The following ADGRL3 variants were observed in gnomAD, a reference collection of about 807,000 sequenced individuals.
The protein encoded by ADGRL3 is calcium-independent alpha-latrotoxin receptor 3.
In ADGRL3, 62 loss-of-function variants were observed where a neutral mutation model predicts 153.5. The observed-to-expected ratio is 0.40, with a 90% CI of 0.33 to 0.50. The LOEUF is 0.50. Ranked by LOEUF, ADGRL3 falls within the 20% of genes least tolerant of loss-of-function variation. ADGRL3 has a pLI of 0.47. For missense variants in ADGRL3, 1,641 were observed against 1,859.4 expected, an observed-to-expected ratio of 0.88 and a Z score of 2.16; for synonymous variants, 710 against 672.5, an observed-to-expected ratio of 1.06 and a Z score of -0.86.
At chr4:61,690,435 ATT>A (rs199860912) in intron 6 of ADGRL3, among the ~76,000 whole-genome samples, 1 of 147,116 alleles carries the variant, frequency 6.8e-6, no homozygotes, top group Admixed American at 6.8e-5. Context: ...ACCCTGTCTC[ATT>A]TTTTTTTTTA....
chr4:62,026,091 CATT>C (rs1310348359), intron 21 of ADGRL3, among the ~76,000 whole-genome samples: 1 of 152,038 alleles, frequency 6.6e-6, no homozygotes, highest in Non-Finnish European at 1.5e-5. Flanking sequence ...GATTTTAAAT[CATT>C]ATATATTACT....
intron 8 of ADGRL3, among the ~76,000 whole-genome samples, chr4:61,764,475 T>A (rs1361934746): frequency 6.7e-6 from 1 of 149,776 alleles, no homozygotes; most frequent in African/African-American, 2.5e-5. Flanking sequence ...GTGGGGATGC[T>A]TTTGGAGCCA....
chr4:61,335,669 A>G (rs1385620541), intron 1 of ADGRL3, among the ~76,000 whole-genome samples: 1 of 152,200 alleles, frequency 6.6e-6, no homozygotes, highest in Non-Finnish European at 1.5e-5. Flanking sequence ...TTGAGGAAAT[A>G]GGAATAAATG....
At chr4:61,477,770 T>G (rs748381949) in intron 2 of ADGRL3, among the ~76,000 whole-genome samples, 4 of 152,150 alleles carry the variant, frequency 2.6e-5, no homozygotes, top group Non-Finnish European at 5.9e-5. Context: ...ATGATATGTC[T>G]TTATCTCTAT....
intron 2 of ADGRL3, among the ~76,000 whole-genome samples, chr4:61,409,370 TAA>T (rs1491494781): frequency 4.4e-5 from 1 of 22,782 alleles, no homozygotes; most frequent in African/African-American, 6.0e-5. Flanking sequence ...ATTATATATA[TAA>T]GACATATATT....
intron 9 of ADGRL3, among the ~76,000 whole-genome samples, chr4:61,860,030 A>G (rs17090556): frequency 0.018 from 2,712 of 152,308 alleles, 82 homozygotes; most frequent in African/African-American, 0.06. Context: ...CTCACCTGAA[A>G]AAAATAGAGA....
chr4:61,674,602 G>A (rs977177528), intron 5 of ADGRL3, among the ~76,000 whole-genome samples: 2 of 151,686 alleles, frequency 1.3e-5, no homozygotes, highest in African/African-American at 4.8e-5. Context: ...AAATTTTATA[G>A]TGCCACTTTT....
chr4:61,468,456 T>G (rs2097910076), intron 2 of ADGRL3, among the ~76,000 whole-genome samples: 1 of 152,144 alleles, frequency 6.6e-6, no homozygotes, highest in South Asian at 2.1e-4. Context: ...CATTTTTCTC[T>G]AAAAGTCTTT....
intron 6 of ADGRL3, among the ~76,000 whole-genome samples, chr4:61,684,735 C>A (rs2095411650): frequency 6.6e-6 from 1 of 151,952 alleles, no homozygotes; most frequent in African/African-American, 2.4e-5. Flanking sequence ...TTGGTTCTGC[C>A]CACTTTGAGT....
intron 4 of ADGRL3, among the ~76,000 whole-genome samples, chr4:61,536,070 GT>G (rs945814007): frequency 2.0e-5 from 3 of 151,972 alleles, no homozygotes; most frequent in East Asian, 1.9e-4. Context: ...ATTCCAGAGG[GT>G]TTGGTATGTT....
intron 1 of ADGRL3, among the ~76,000 whole-genome samples, chr4:61,360,145 C>A (rs1472945973): frequency 6.6e-6 from 1 of 152,088 alleles, no homozygotes; most frequent in East Asian, 1.9e-4. Flanking sequence ...TAGGACACAA[C>A]ACATATTCCT....
At chr4:61,322,252 C>A (rs561566014) in intron 1 of ADGRL3, among the ~76,000 whole-genome samples, 1 of 152,184 alleles carries the variant, frequency 6.6e-6, no homozygotes, top group Non-Finnish European at 1.5e-5. Flanking sequence ...CATCTCCCAA[C>A]GGGTCCCTGC....
chr4:62,006,144 C>T (rs1183979933), intron 21 of ADGRL3, among the ~76,000 whole-genome samples: 6 of 150,076 alleles, frequency 4.0e-5, no homozygotes, highest in African/African-American at 1.2e-4. Context: ...AAGGGATTCT[C>T]CTGCCTCAGC....
rs890520203 is a variant in ADGRL3 at position 61,517,440 on chromosome 4, C to T, written c.181C>T (p.His61Tyr). 1 of 799,174 alleles carries T rather than the reference C, an allele frequency of 1.3e-6. No homozygotes were observed. 49.5% of individuals were successfully genotyped at this position (799,174 alleles called of 1,614,324 possible). Reference sequence around the variant, plus strand: ...GCCAGCTGCAGAGCGCACCGCTGCTCATCGTGGACAAGGGCCCCGTGGAGC... The same window carrying T: ...GCCAGCTGCAGAGCGCACCGCTGCTTATCGTGGACAAGGGCCCCGTGGAGC... The part of the protein sequence containing the change: ...QQPAAERTAA[H>Y]RGQGPRGATR... The change falls in exon 4 of 27, where the codon CAT (histidine) becomes TAT (tyrosine). Residue 61 changes from histidine (H) to tyrosine (Y), a missense_variant. This residue lies in a region of ADGRL3 where 145 missense variants were observed against 79.1 expected (regional missense o/e 1.83). Coordinates refer to ENST00000683033, the MANE Select transcript of ADGRL3 (RefSeq NM_001387552.1).
intron 2 of ADGRL3, among the ~76,000 whole-genome samples, chr4:61,491,922 C>G (rs2098262207): frequency 6.6e-6 from 1 of 151,742 alleles, no homozygotes; most frequent in South Asian, 2.1e-4. Context: ...AAATACTAAC[C>G]CTGGAAGAAC....
intron 3 of ADGRL3, among the ~76,000 whole-genome samples, chr4:61,499,997 C>T (rs918016406): frequency 1.4e-5 from 2 of 138,766 alleles, no homozygotes; most frequent in Non-Finnish European, 3.1e-5. Flanking sequence ...GACACACACA[C>T]ACACACACAC....
intron 1 of ADGRL3, among the ~76,000 whole-genome samples, chr4:61,222,128 G>A (rs1438652830): frequency 1.3e-5 from 2 of 152,094 alleles, no homozygotes; most frequent in Middle Eastern, 3.4e-3. Context: ...TCATGTTTGT[G>A]TTAATCTCAT....
At chr4:61,646,637 C>G (rs1441353610) in intron 5 of ADGRL3, among the ~76,000 whole-genome samples, 1 of 152,018 alleles carries the variant, frequency 6.6e-6, no homozygotes, top group Non-Finnish European at 1.5e-5. Context: ...TGCCCGTTCT[C>G]AGATCTCCAG....
Position 62,077,633 on chromosome 4 carries a change from A to C in ADGRL3, c.*6725A>C, listed in dbSNP as rs532754839. 6.6e-6 allele frequency: 1 copy of C among 152,042 alleles called. No homozygotes were observed. Among genetic ancestry groups the C allele is most frequent in the East Asian group, 1.9e-4 (1 of 5,160 alleles). 9.4% of individuals were successfully genotyped at this position (152,042 alleles called of 1,614,324 possible). ...TAGGACAGAGTGCATTCTTAGGCTA[A>C]TTAGTGCCTAGTCCTCTGGAGTATT... On this transcript the variant is annotated 3_prime_UTR_variant, in exon 27 of 27. Coordinates refer to ENST00000683033, the MANE Select transcript of ADGRL3 (RefSeq NM_001387552.1).
Sources: gnomAD v4.1 joint callset for allele counts (sites outside exome capture counted in the v4.1 genomes callset) on GRCh38, gnomAD v4.1.1 for gene constraint, gnomAD v4.1.1 regional missense constraint, MANE v1.5 for transcripts, NCBI Gene and HGNC (gene_info 2026-07-23, HGNC 2026-07-21) for gene names.